Variants in SNX29 observed in about 807,000 individuals in gnomAD.
The protein encoded by SNX29 is sorting nexin-29.
A neutral mutation model predicts 102.1 loss-of-function variants in SNX29; 78 were observed. The ratio of observed to expected loss-of-function variants is 0.76; its 90% CI spans 0.64 to 0.92. The LOEUF is 0.92. Among genes scored for constraint, SNX29 ranks in the 40% least tolerant of loss-of-function variants. The pLI is 0.00. For synonymous variants in SNX29, 580 were observed against 414.5 expected, an observed-to-expected ratio of 1.40 and a Z score of -4.85; for missense variants, 1,280 against 1,061.7, an observed-to-expected ratio of 1.21 and a Z score of -2.86.
At chr16:12,055,578 G>T (rs1039034889) in intron 8 of SNX29, among the ~76,000 whole-genome samples, 1 of 152,098 alleles carries the variant, frequency 6.6e-6, no homozygotes, top group Admixed American at 6.6e-5. Context: ...TGTGGGGCTG[G>T]GAAGTCCAAA....
chr16:12,314,524 A>T (rs914533652), intron 15 of SNX29, among the ~76,000 whole-genome samples: 6 of 152,226 alleles, frequency 3.9e-5, no homozygotes, highest in African/African-American at 7.2e-5. Flanking sequence ...TGAAGGTCTT[A>T]ATAGTGGTTT....
intron 15 of SNX29, among the ~76,000 whole-genome samples, chr16:12,289,522 G>T (rs1002517843): frequency 2.0e-5 from 3 of 151,998 alleles, no homozygotes; most frequent in African/African-American, 7.3e-5. Flanking sequence ...GTGGCGCTGG[G>T]CCCTGATCTT....
At chr16:12,564,814 C>T (rs769147477) in intron 20 of SNX29, among the ~76,000 whole-genome samples, 15 of 151,760 alleles carry the variant, frequency 9.9e-5, no homozygotes, top group Non-Finnish European at 2.1e-4. Context: ...TTCCAGAAGT[C>T]TCGGTGGTAC....
At chr16:12,483,748 C>G (rs1317968692) in intron 19 of SNX29, among the ~76,000 whole-genome samples, 1 of 152,210 alleles carries the variant, frequency 6.6e-6, no homozygotes, top group African/African-American at 2.4e-5. Flanking sequence ...GCTCTGGGCT[C>G]TGCTCATCAC....
In SNX29 at chr16:12,570,252, G is replaced by A. The variant is rs1477979908; in HGVS notation, c.*1623G>A. ...TGCCCCGGTGAGACCAAATGAGCTG[G>A]AGCATGTATGGAGGTGCGGACCCTG... On this transcript the variant is annotated 3_prime_UTR_variant, in exon 21 of 21. Transcript: ENST00000566228. The A allele has an allele frequency of 3.8e-6, 4 of 1,065,144 alleles. No individual in the cohort carries two copies. Among genetic ancestry groups the A allele is most frequent in the African/African-American group, 1.6e-5 (1 of 61,058 alleles). The allele number at this position is 1,065,144 out of a possible 1,614,324, so 66.0% of individuals were successfully genotyped here. A position where few individuals can be genotyped will look rare whatever the true frequency, so the allele number is the denominator to read the frequency against.
intron 13 of SNX29, among the ~76,000 whole-genome samples, chr16:12,151,103 A>C (rs1008739132): frequency 6.6e-6 from 1 of 152,220 alleles, no homozygotes; most frequent in African/African-American, 2.4e-5. Context: ...TAGATGGAAT[A>C]GTGTAACAGC....
chr16:12,311,709 T>C (rs1291413100), intron 15 of SNX29, among the ~76,000 whole-genome samples: 1 of 152,256 alleles, frequency 6.6e-6, no homozygotes, highest in African/African-American at 2.4e-5. Context: ...TTGTATGTTG[T>C]CTGTCGCCAA....
At chr16:12,151,568 G>A (rs1011067366) in intron 13 of SNX29, among the ~76,000 whole-genome samples, 1 of 152,080 alleles carries the variant, frequency 6.6e-6, no homozygotes, top group Non-Finnish European at 1.5e-5. Context: ...TGTTTGTTCT[G>A]CCCGGGACTC....
chr16:12,246,618 A>G (rs1041597589), intron 14 of SNX29, among the ~76,000 whole-genome samples: 4 of 152,018 alleles, frequency 2.6e-5, no homozygotes, highest in Non-Finnish European at 5.9e-5. Flanking sequence ...ACAGAGCGAG[A>G]CTCCATCTCC....
chr16:12,022,388 A>G (rs2057054943), intron 3 of SNX29, among the ~76,000 whole-genome samples: 1 of 152,072 alleles, frequency 6.6e-6, no homozygotes, highest in African/African-American at 2.4e-5. Flanking sequence ...TTTAGTAGAA[A>G]TGGAGTTTTG....
chr16:12,116,525 T>G (rs899075035), intron 11 of SNX29, among the ~76,000 whole-genome samples: 1 of 152,038 alleles, frequency 6.6e-6, no homozygotes, highest in Non-Finnish European at 1.5e-5. Context: ...AATACAAAAA[T>G]TAGCCGGGTG....
chr16:12,086,823 G>A (rs2052223479), intron 11 of SNX29: 1 of 152,006 alleles, frequency 6.6e-6, no homozygotes, highest in African/African-American at 2.4e-5. Context: ...TAAAATTTTG[G>A]ATTAAATAGT....
chr16:12,554,719 T>C (rs1008429280), intron 20 of SNX29, among the ~76,000 whole-genome samples: 1 of 152,150 alleles, frequency 6.6e-6, no homozygotes, highest in Admixed American at 6.5e-5. Flanking sequence ...ACAGCTGTCT[T>C]TCAGTCTTTC....
intron 3 of SNX29, among the ~76,000 whole-genome samples, chr16:12,019,731 G>T (rs1225598465): frequency 4.0e-5 from 6 of 151,376 alleles, no homozygotes; most frequent in Non-Finnish European, 7.4e-5. Flanking sequence ...CTGCCTCCCG[G>T]GTTCAAGCGA....
At chr16:12,274,594 C>G (rs1389381250) in intron 14 of SNX29, among the ~76,000 whole-genome samples, 1 of 150,598 alleles carries the variant, frequency 6.6e-6, no homozygotes, top group African/African-American at 2.5e-5. Context: ...CGGAGTGCAG[C>G]TATGCCATCT....
At chr16:12,275,160 T>C (rs953375178) in intron 14 of SNX29, among the ~76,000 whole-genome samples, 1 of 152,160 alleles carries the variant, frequency 6.6e-6, no homozygotes, top group Non-Finnish European at 1.5e-5. Flanking sequence ...CCTCTTGGGG[T>C]GATCTGGCTG....
intron 16 of SNX29, chr16:12,366,854 T>A (rs1765434046): frequency 6.6e-6 from 1 of 151,904 alleles, no homozygotes; most frequent in South Asian, 2.1e-4. Context: ...TCTCTCTCTC[T>A]TTCTTTTCCT....
intron 15 of SNX29, among the ~76,000 whole-genome samples, chr16:12,333,913 C>T (rs1358565840): frequency 1.3e-5 from 2 of 152,148 alleles, no homozygotes; most frequent in African/African-American, 2.4e-5. Context: ...ATGCATCCCG[C>T]GTTTCCGTGC....
chr16:12,376,677 C>T (rs1433206450), intron 16 of SNX29, among the ~76,000 whole-genome samples: 1 of 134,700 alleles, frequency 7.4e-6, no homozygotes, highest in Non-Finnish European at 1.5e-5. Context: ...GCAGAGGTTG[C>T]AGTGAGCCGA....
Sources: gnomAD v4.1 joint callset for allele counts (sites outside exome capture counted in the v4.1 genomes callset) on GRCh38, gnomAD v4.1.1 for gene constraint, MANE v1.5 for transcripts, NCBI Gene and HGNC (gene_info 2026-07-23, HGNC 2026-07-21) for gene names.